NUP50: variants seen among roughly 807,000 people sequenced by gnomAD.
The protein encoded by NUP50 is nuclear pore complex protein Nup50.
NUP50 carries 14 observed loss-of-function variants against 36.8 expected under a neutral mutation model. The ratio of observed to expected loss-of-function variants is 0.38; its 90% confidence interval spans 0.25 to 0.59. The LOEUF is 0.59. NUP50 is among the 20% of genes least tolerant of loss of function. The pLI is 0.63. For synonymous variants in NUP50, 195 were observed against 210.8 expected, an observed-to-expected ratio of 0.93 and a Z score of 0.65; for missense variants, 455 against 564.6, an observed-to-expected ratio of 0.81 and a Z score of 1.97.
chr22:45,175,387 G>A (rs948116031), intron 3 of NUP50, among the ~76,000 whole-genome samples: 4 of 152,170 alleles, frequency 2.6e-5, no homozygotes, highest in East Asian at 1.9e-4. Flanking sequence ...TTTGAGACTC[G>A]ATCATCTAAG....
chr22:45,182,623 G>GCT lies in NUP50; in HGVS notation c.1086-779_1086-778insCT, dbSNP rs766996077. Among the ~76,000 whole-genome samples the GCT allele has an allele frequency of 4.3e-3, 408 of 95,948 alleles. 1 individual carries two copies. Among genetic ancestry groups the GCT allele is most frequent in the African/African-American group, 0.017 (397 of 23,654 alleles). The allele number at this position is 95,948 out of a possible 152,430, so 62.9% of individuals were successfully genotyped here. On this transcript the variant is annotated intron_variant, in intron 6 of 7. Transcript: ENST00000347635. ...AAAAACTGAAAGAGCCTTGAGGTTT[G>GCT]TTTTTTTTTTTTTTTTTTTGAGACG...
At position 45,184,755 on chromosome 22, in the gene NUP50, C is replaced by T; in HGVS notation, c.*100C>T. 1 of 840,884 alleles carries T rather than the reference C, an allele frequency of 1.2e-6. No individual in the cohort carries two copies. Among genetic ancestry groups the T allele is most frequent in the East Asian group, 2.5e-5 (1 of 39,532 alleles). 52.1% of individuals were successfully genotyped at this position (840,884 alleles called of 1,614,324 possible). A position where few individuals can be genotyped will look rare whatever the true frequency, so the allele number is the denominator to read the frequency against. ...CTTCTCTTCTTTGACATTCTAAGAACTTATAGATAACTTAAAACTTTTGTG... is the reference window on the plus strand; with the variant it reads ...CTTCTCTTCTTTGACATTCTAAGAATTTATAGATAACTTAAAACTTTTGTG... On this transcript the variant is annotated 3_prime_UTR_variant, in exon 8 of 8. Coordinates refer to ENST00000347635, the MANE Select transcript of NUP50 (RefSeq NM_007172.4).
At position 45,164,046 on chromosome 22, in the gene NUP50, C is replaced by T. The variant is rs1047584344; in HGVS notation, c.-261C>T. 6.6e-6 allele frequency: 1 copy of T among 152,270 alleles called. No homozygotes were observed. The highest frequency in any genetic ancestry group is 1.5e-5 in the Non-Finnish European group (1 of 68,070). 9.4% of individuals were successfully genotyped at this position (152,270 alleles called of 1,614,324 possible). A position where few individuals can be genotyped will look rare whatever the true frequency, so the allele number is the denominator to read the frequency against. Reference sequence around the variant, plus strand: ...CCGGAGCGTGTTCGGCGCGGTTCCCCCAGCTGTCTCTGGCTGAACCGGCGC... The same window carrying T: ...CCGGAGCGTGTTCGGCGCGGTTCCCTCAGCTGTCTCTGGCTGAACCGGCGC... On this transcript the variant is annotated 5_prime_UTR_variant, in exon 1 of 8. Transcript: ENST00000347635.
chr22:45,184,354 ATTAAG>A (rs1037338316), intron 7 of NUP50, 94 bp from the exon 8 acceptor site: 48 of 1,108,916 alleles, frequency 4.3e-5, no homozygotes, highest in East Asian at 7.4e-5. Flanking sequence ...TCTTAGATGT[ATTAAG>A]TTATTTCAGC....
chr22:45,169,610 G>A (rs2074152929), intron 2 of NUP50, among the ~76,000 whole-genome samples: 1 of 152,194 alleles, frequency 6.6e-6, no homozygotes, highest in South Asian at 2.1e-4. Context: ...ATATAACCAA[G>A]GAATAACCGG....
At chr22:45,182,824 C>T (rs1242564201) in intron 6 of NUP50, among the ~76,000 whole-genome samples, 1 of 151,752 alleles carries the variant, frequency 6.6e-6, no homozygotes, top group African/African-American at 2.4e-5. Flanking sequence ...CGGGGTTTCA[C>T]CGTGTTAGCC....
At position 45,172,663 on chromosome 22, in the gene NUP50, A is replaced by C. The variant is rs1032994882; in HGVS notation, c.153+980A>C. 4.6e-5 allele frequency among the ~76,000 whole-genome samples: 7 copies of C among 152,344 alleles called. No homozygotes were observed. The East Asian group carries it at 7.7e-4, about 17-fold the overall frequency. ...CACACTTTGAGAAGCAATGAAAAGAAATTGTTATTACAAAAATATTCATTA... is the reference window on the plus strand; with the variant it reads ...CACACTTTGAGAAGCAATGAAAAGACATTGTTATTACAAAAATATTCATTA... On this transcript the variant is annotated intron_variant, in intron 3 of 7. Transcript: ENST00000347635.
intron 7 of NUP50, 125 bp from the exon 8 acceptor site, chr22:45,184,328 T>C (rs762125768): frequency 2.8e-4 from 246 of 865,404 alleles, no homozygotes; most frequent in Non-Finnish European, 4.3e-4. Context: ...TTTTGTGCTG[T>C]CCTGTTGGCT....
chr22:45,168,970 C>T (rs556405391), intron 2 of NUP50, among the ~76,000 whole-genome samples: 18 of 147,680 alleles, frequency 1.2e-4, no homozygotes, highest in Non-Finnish European at 2.5e-4. Context: ...GGCACAACCT[C>T]GGCTCACTGC....
intron 4 of NUP50, 189 bp from the exon 5 acceptor site, chr22:45,178,049 C>T (rs1401784430): frequency 3.5e-6 from 2 of 578,594 alleles, no homozygotes; most frequent in Non-Finnish European, 6.1e-6. Context: ...TCGCTTGAAC[C>T]TGGGAGGCAG....
intron 1 of NUP50, among the ~76,000 whole-genome samples, chr22:45,167,386 G>A (rs2074111094): frequency 6.6e-6 from 1 of 152,184 alleles, no homozygotes; most frequent in South Asian, 2.1e-4. Flanking sequence ...AAAACAAATC[G>A]TAAATTTTAA....
At chr22:45,165,037 T>C (rs2074073461) in intron 1 of NUP50, 1 of 152,140 alleles carries the variant, frequency 6.6e-6, no homozygotes. Context: ...AAATCTGTGT[T>C]TTCGTTTTAA....
At chr22:45,182,521 G>A (rs1427278600) in intron 6 of NUP50, among the ~76,000 whole-genome samples, 2 of 151,596 alleles carry the variant, frequency 1.3e-5, no homozygotes, top group Admixed American at 6.6e-5. Flanking sequence ...AGGCTGGGAA[G>A]ATATTTGATT....
chr22:45,170,583 C>T (rs1239493557), intron 2 of NUP50, among the ~76,000 whole-genome samples: 1 of 152,162 alleles, frequency 6.6e-6, no homozygotes, highest in Non-Finnish European at 1.5e-5. Flanking sequence ...TATCTCCTCA[C>T]ATATGTTTAG....
chr22:45,175,498 G>C (rs1193263517), intron 3 of NUP50, among the ~76,000 whole-genome samples: 1 of 152,140 alleles, frequency 6.6e-6, no homozygotes, highest in African/African-American at 2.4e-5. Context: ...ATTTCTTTAG[G>C]CAGTAAATGG....
chr22:45,181,437 GT>G, intron 6 of NUP50, 70 bp downstream of exon 6: 1 of 987,168 alleles, frequency 1.0e-6, no homozygotes, highest in Non-Finnish European at 1.5e-6. Context: ...GCTGGAGAAT[GT>G]CCTCACGGCA....
intron 6 of NUP50, among the ~76,000 whole-genome samples, chr22:45,182,046 G>C (rs776850188): frequency 2.4e-4 from 36 of 152,030 alleles, no homozygotes; most frequent in Non-Finnish European, 4.9e-4. Flanking sequence ...TTAGTTTCAA[G>C]AACTTTTAAA....
Position 45,163,952 on chromosome 22 carries a change from G to C in NUP50, c.-355G>C, listed in dbSNP as rs1465264137. 6.6e-6 allele frequency: 1 copy of C among 152,274 alleles called. No individual in the cohort carries two copies. Among genetic ancestry groups the C allele is most frequent in the Non-Finnish European group, 1.5e-5 (1 of 68,054 alleles). The allele number at this position is 152,274 out of a possible 1,614,324, so 9.4% of individuals were successfully genotyped here. On this transcript the variant is annotated 5_prime_UTR_variant, in exon 1 of 8. Coordinates refer to ENST00000347635, the MANE Select transcript of NUP50 (RefSeq NM_007172.4). ...CGGCGCGCTTGCGCAGTAGCTGAAC[G>C]CGGGCGTTTCTTTCCTCCCTTTTTT... is the stretch of plus-strand genomic sequence containing the variant.
chr22:45,173,338 G>GTT (rs132885), intron 3 of NUP50, among the ~76,000 whole-genome samples: 2,586 of 134,892 alleles, frequency 0.019, 94 homozygotes, highest in African/African-American at 0.066. Flanking sequence ...AACTTCAGGT[G>GTT]TTTTTTTTTT....
Sources: gnomAD v4.1 joint callset for allele counts (sites outside exome capture counted in the v4.1 genomes callset) on GRCh38, gnomAD v4.1.1 for gene constraint, MANE v1.5 for transcripts, NCBI Gene and HGNC (gene_info 2026-07-23, HGNC 2026-07-21) for gene names.